DDX43: variants seen among roughly 807,000 people sequenced by gnomAD.
The protein encoded by DDX43 is DEAD-box helicase 43.
DDX43 carries 50 observed loss-of-function variants against 84.9 expected under a neutral mutation model. That is an observed-to-expected ratio of 0.59 (90% CI 0.47 to 0.75). DDX43 has a LOEUF of 0.75. Ranked by LOEUF, DDX43 falls within the 30% of genes least tolerant of loss-of-function variation. The probability of loss-of-function intolerance (pLI) is 0.00; values close to 1 mark genes in which losing one functional copy is unlikely to be tolerated. For missense variants in DDX43, 689 were observed against 798.6 expected, an observed-to-expected ratio of 0.86 and a Z score of 1.65; for synonymous variants, 291 against 266.3, an observed-to-expected ratio of 1.09 and a Z score of -0.90.
In DDX43 at chr6:73,395,035, A is replaced by G; in HGVS notation, c.130A>G (p.Ser44Gly). 6.2e-7 allele frequency: 1 copy of G among 1,614,222 alleles called. No homozygotes were observed. The highest frequency in any genetic ancestry group is 1.1e-5 in the South Asian group (1 of 91,082). ...GAATCGAACAGGTCCTGAGGGATAT[A>G]GTGTCGGCAGAGGTGGTCGCTGGAG... Reference protein sequence around the residue: ...ELNRTGPEGYSVGRGGRWRGT... With the variant: ...ELNRTGPEGYGVGRGGRWRGT... Residue 44 changes from serine (S) to glycine (G), a missense_variant, in exon 1 of 17, where the codon AGT becomes GGT. Ser to Gly is a moderately conservative substitution (Grantham distance 56). Transcript: ENST00000370336.
intron 6 of DDX43, among the ~76,000 whole-genome samples, 190 bp downstream of exon 6, chr6:73,406,025 C>CTT (rs149776059): frequency 5.9e-5 from 8 of 135,674 alleles, no homozygotes; most frequent in African/African-American, 1.3e-4. Flanking sequence ...AAAATATGTA[C>CTT]TTTTTTTTTT....
intron 8 of DDX43, 30 bp from the exon 9 acceptor site, chr6:73,407,930 A>G: frequency 6.3e-7 from 1 of 1,595,640 alleles, no homozygotes; most frequent in Non-Finnish European, 8.6e-7. Flanking sequence ...CTGTGCCTAA[A>G]CATTAACCTT....
In DDX43 at chr6:73,405,839, T is replaced by C; in HGVS notation, c.807+4T>C. 1 of 1,611,634 alleles carries C rather than the reference T, an allele frequency of 6.2e-7. No homozygotes were observed. Among genetic ancestry groups the C allele is most frequent in the Non-Finnish European group, 8.5e-7 (1 of 1,179,056 alleles). On this transcript the variant is annotated splice_donor_region_variant and intron_variant, in intron 6 of 16. Coordinates refer to ENST00000370336, the MANE Select transcript of DDX43 (RefSeq NM_018665.3). Reference sequence around the variant, plus strand: ...TCAAAAGCCAACACCTATTCAGGTATGCTTTCATTAATTACAATATTTCAC... The same window carrying C: ...TCAAAAGCCAACACCTATTCAGGTACGCTTTCATTAATTACAATATTTCAC...
chr6:73,410,756 C>T (rs575415980), intron 10 of DDX43, among the ~76,000 whole-genome samples: 13 of 152,248 alleles, frequency 8.5e-5, no homozygotes, highest in African/African-American at 3.1e-4. Context: ...CCACACCCAG[C>T]TCATTTTTGT....
chr6:73,415,903 C>T (rs1013629696), intron 15 of DDX43, among the ~76,000 whole-genome samples: 6 of 152,140 alleles, frequency 3.9e-5, no homozygotes, highest in Middle Eastern at 3.4e-3. Flanking sequence ...GAAAATGCTA[C>T]CATATAAAGG....
At position 73,416,159 on chromosome 6, in the gene DDX43, A is replaced by G. The variant is rs1406705473; in HGVS notation, c.1880A>G (p.His627Arg). Residue 627 changes from histidine to arginine, a missense_variant, in exon 16 of 17, where the codon CAT (histidine) becomes CGT (arginine). His to Arg is a conservative substitution (Grantham distance 29). Around this residue, in one of 2 missense-constraint regions of DDX43, gnomAD observed 552 missense variants for 692.7 expected, o/e 0.80. Coordinates refer to ENST00000370336, the MANE Select transcript of DDX43 (RefSeq NM_018665.3). ...TCAATGGCTGAGAGGTTTAAGGCACATCAACAGAAAAGGGAAATGGAAAGA... is the reference window on the plus strand; with the variant it reads ...TCAATGGCTGAGAGGTTTAAGGCACGTCAACAGAAAAGGGAAATGGAAAGA... The part of the protein sequence containing the change: ...LVSMAERFKA[H>R]QQKREMERKM... 6.3e-7 allele frequency: 1 copy of G among 1,597,596 alleles called. No homozygotes were observed. Among genetic ancestry groups the G allele is most frequent in the South Asian group, 1.1e-5 (1 of 90,716 alleles).
Position 73,397,692 on chromosome 6 carries a change from G to A in DDX43, c.254G>A (p.Arg85His), listed in dbSNP as rs184999474. The A allele has an allele frequency of 1.9e-5, 31 of 1,610,766 alleles. No individual in the cohort carries two copies. Among genetic ancestry groups the A allele is most frequent in the East Asian group, 2.2e-5 (1 of 44,838 alleles). ...KSHFVGAVIG[R>H]GGSKIKNIQS... The stretch of plus-strand genomic sequence containing the variant: ...ATTCCTTTATTTTTAAAAACAGGTC[G>A]TGGTGGGTCAAAAATAAAGAATATA... Residue 85 changes from arginine to histidine, a missense_variant, in exon 2 of 17, where the codon CGT (arginine) becomes CAT (histidine). Arg to His is a conservative substitution (Grantham distance 29). Around this residue, in one of 2 missense-constraint regions of DDX43, gnomAD observed 552 missense variants for 692.7 expected, o/e 0.80. Coordinates refer to ENST00000370336, the MANE Select transcript of DDX43 (RefSeq NM_018665.3).
chr6:73,397,835 T>A, intron 2 of DDX43, 91 bp downstream of exon 2: 1 of 1,172,042 alleles, frequency 8.5e-7, no homozygotes, highest in Non-Finnish European at 1.3e-6. Context: ...GACAGCCTCA[T>A]TCTGTCTCCC....
chr6:73,411,974 A>G (rs960034057), intron 10 of DDX43, among the ~76,000 whole-genome samples: 6 of 152,252 alleles, frequency 3.9e-5, no homozygotes, highest in Non-Finnish European at 5.9e-5. Context: ...CTGGGATTAC[A>G]GGCGTGAGCC....
chr6:73,394,901 G>A lies in DDX43; in HGVS notation c.-5G>A. ...ACGACGTCGGACGCGCCCCTTCTTG[G>A]AACAATGTCCCACCACGGAGGAGCT... On this transcript the variant is annotated 5_prime_UTR_variant, in exon 1 of 17. Transcript: ENST00000370336. 6.2e-7 allele frequency: 1 copy of A among 1,613,944 alleles called. No individual in the cohort carries two copies. The highest frequency in any genetic ancestry group is 8.5e-7 in the Non-Finnish European group (1 of 1,179,880).
chr6:73,402,408 TTTTG>T (rs778462522), intron 4 of DDX43, among the ~76,000 whole-genome samples: 23 of 152,202 alleles, frequency 1.5e-4, no homozygotes, highest in Admixed American at 3.3e-4. Context: ...CTTGGCAGCA[TTTTG>T]TTTGTTTGTT....
At chr6:73,401,667 C>T (rs1432097509) in intron 3 of DDX43, among the ~76,000 whole-genome samples, 192 bp from the exon 4 acceptor site, 1 of 151,822 alleles carries the variant, frequency 6.6e-6, no homozygotes, top group African/African-American at 2.4e-5. Flanking sequence ...CTGGGCGTTG[C>T]GGCGTGTGCC....
rs1481503751 is a variant in DDX43 at position 73,394,844 on chromosome 6, G to T, written c.-62G>T. The T allele has an allele frequency of 1.3e-6, 2 of 1,581,692 alleles. No individual in the cohort carries two copies. Among genetic ancestry groups the T allele is most frequent in the South Asian group, 1.2e-5 (1 of 85,698 alleles). ...TTCCCTGGCACGCTACTCTTACGAC[G>T]TCACGGTCAGGTGGTGCAGAGCTGG... On this transcript the variant is annotated 5_prime_UTR_variant, in exon 1 of 17. Transcript: ENST00000370336.
At chr6:73,413,597 G>T (rs1398046077) in intron 11 of DDX43, 61 bp from the exon 12 acceptor site, 11 of 1,535,022 alleles carry the variant, frequency 7.2e-6, no homozygotes, top group Non-Finnish European at 9.7e-6. Flanking sequence ...TTGAGCTGAT[G>T]TATGCGGTCT....
At chr6:73,405,595 A>T in intron 5 of DDX43, 84 bp from the exon 6 acceptor site, 1 of 1,355,694 alleles carries the variant, frequency 7.4e-7, no homozygotes, top group Non-Finnish European at 1.0e-6. Flanking sequence ...TTGAATTTCT[A>T]GATAAGACCA....
chr6:73,412,500 T>TAG (rs777946438), intron 11 of DDX43, among the ~76,000 whole-genome samples: 224 of 149,296 alleles, frequency 1.5e-3, no homozygotes, highest in Admixed American at 3.8e-3. Context: ...TATATATGTA[T>TAG]AGAGAGAGAG....
intron 2 of DDX43, among the ~76,000 whole-genome samples, chr6:73,399,139 G>A (rs774459232): frequency 4.0e-5 from 6 of 151,898 alleles, no homozygotes; most frequent in Non-Finnish European, 8.8e-5. Flanking sequence ...TAGAGACAGG[G>A]TTTCACTATG....
intron 7 of DDX43, 88 bp downstream of exon 7, chr6:73,406,570 T>G: frequency 1.2e-6 from 1 of 808,858 alleles, no homozygotes; most frequent in Non-Finnish European, 2.0e-6. Context: ...TACCTATTGC[T>G]TGATCCAAAG....
chr6:73,397,627 G>T, intron 1 of DDX43, 62 bp from the exon 2 acceptor site: 2 of 1,321,354 alleles, frequency 1.5e-6, no homozygotes, highest in Non-Finnish European at 2.2e-6. Flanking sequence ...GAGGAAAATG[G>T]GTAAATTTTC....
Sources: gnomAD v4.1 joint callset for allele counts (sites outside exome capture counted in the v4.1 genomes callset) on GRCh38, gnomAD v4.1.1 for gene constraint, gnomAD v4.1.1 regional missense constraint, MANE v1.5 for transcripts, NCBI Gene and HGNC (gene_info 2026-07-23, HGNC 2026-07-21) for gene names.